The following ANAPC4 variants were observed in gnomAD, a reference collection of about 807,000 sequenced individuals.
ANAPC4 encodes anaphase promoting complex subunit 4.
A neutral mutation model predicts 119.8 loss-of-function variants in ANAPC4; 63 were observed. The ratio of observed to expected loss-of-function variants is 0.53; its 90% CI spans 0.43 to 0.65. The LOEUF (loss-of-function observed/expected upper bound fraction) is 0.65. Among genes scored for constraint, ANAPC4 ranks in the 30% least tolerant of loss-of-function variants. The pLI is 0.00. For missense variants in ANAPC4, 716 were observed against 945.1 expected, an observed-to-expected ratio of 0.76 and a Z score of 3.18; for synonymous variants, 283 against 318.6, an observed-to-expected ratio of 0.89 and a Z score of 1.19.
chr4:25,378,315 G>A (rs1721521112), intron 2 of ANAPC4, among the ~76,000 whole-genome samples: 1 of 152,172 alleles, frequency 6.6e-6, no homozygotes, highest in African/African-American at 2.4e-5. Flanking sequence ...CCATGTGAGA[G>A]TTGTATAGAG....
chr4:25,380,460 A>T lies in ANAPC4; in HGVS notation c.216A>T (p.Ala72=). The change falls in exon 3 of 29, where the codon GCA becomes GCT. Residue 72 remains alanine (A), a synonymous_variant. Transcript: ENST00000315368. ...ENTGKEVTCL[A]WRPDGKLLAF... ...CAGGAAAGGAGGTGACGTGTCTGGC[A>T]TGGAGACCAGATGGCAAACGTAATG... 6.2e-7 allele frequency: 1 copy of T among 1,610,766 alleles called. No homozygotes were observed. The highest frequency in any genetic ancestry group is 8.5e-7 in the Non-Finnish European group (1 of 1,178,462).
intron 7 of ANAPC4, 143 bp from the exon 8 acceptor site, chr4:25,389,993 T>C: frequency 1.9e-6 from 1 of 523,528 alleles, no homozygotes; most frequent in South Asian, 3.0e-5. Flanking sequence ...TGAGTGTTAG[T>C]GGATTTGATG....
rs574552618 is a variant in ANAPC4, at chr4:25,388,544, T to C, written c.413T>C (p.Leu138Pro). The C allele has an allele frequency of 1.6e-5, 26 of 1,606,002 alleles. No homozygotes were observed. The Admixed American group carries it at 4.3e-4, about 27-fold the overall frequency. ...FYNAEDESNLLLPKLPTLPKN... is the reference protein window; with the variant it reads ...FYNAEDESNLPLPKLPTLPKN... ...AATGCTGAGGATGAATCAAATCTTC[T>C]CTTACCTAAACTACCTACACTGCCA... Residue 138 changes from leucine (L) to proline (P), a missense_variant, in exon 5 of 29, where the codon CTC becomes CCC. By Grantham distance (98) the Leu-to-Pro change is moderately conservative. Around this residue, in one of 3 missense-constraint regions of ANAPC4, gnomAD observed 202 missense variants for 293.5 expected, o/e 0.69. Transcript: ENST00000315368.
chr4:25,411,936 G>A (rs1243125782), intron 21 of ANAPC4, among the ~76,000 whole-genome samples: 1 of 152,104 alleles, frequency 6.6e-6, no homozygotes, highest in Non-Finnish European at 1.5e-5. Flanking sequence ...GACCTCACAG[G>A]ATAAGGATGC....
rs760146374 is a variant in ANAPC4, at chr4:25,393,778, A to G, written c.790-27A>G. The G allele has an allele frequency of 3.4e-6, 5 of 1,471,554 alleles. No homozygotes were observed. The Admixed American group carries it at 7.8e-5, about 23-fold the overall frequency. 91.2% of individuals were successfully genotyped at this position (1,471,554 alleles called of 1,614,324 possible). On this transcript the variant is annotated intron_variant, in intron 10 of 28. Transcript: ENST00000315368. ...CAAGTTGGTTTAAATATTTTTTACC[A>G]TTTCAATTTTTCTTTTTTGCTAATA...
At chr4:25,377,603 G>T in intron 2 of ANAPC4, 47 bp downstream of exon 2, 2 of 1,529,346 alleles carry the variant, frequency 1.3e-6, no homozygotes, top group Non-Finnish European at 1.7e-6. Flanking sequence ...TGCTCCCGGG[G>T]GGCCCAAGAA....
rs909314389 is a variant in ANAPC4 at position 25,392,391 on chromosome 4, A to G, written c.759A>G (p.Arg253=). 5 of 1,612,534 alleles carry G rather than the reference A, an allele frequency of 3.1e-6. No homozygotes were observed. In the Admixed American group the frequency reaches 5.0e-5, roughly 16 times the overall value. ...TACCTGAAGTAACTCGGATGGCCAG[A>G]AAGTTTACTCATATTTCAGCTCTGT... ...SFLPEVTRMA[R]KFTHISALLQ... Residue 253 remains arginine, a synonymous_variant, in exon 10 of 29, where the codon AGA becomes AGG. Coordinates refer to ENST00000315368, the MANE Select transcript of ANAPC4 (RefSeq NM_013367.3).
chr4:25,386,454 C>T (rs1722042490), intron 4 of ANAPC4, among the ~76,000 whole-genome samples: 1 of 152,128 alleles, frequency 6.6e-6, no homozygotes, highest in Non-Finnish European at 1.5e-5. Context: ...AAGTGATTTG[C>T]CCTCCTCGGC....
intron 26 of ANAPC4, chr4:25,416,080 C>T (rs1040391219): frequency 3.4e-5 from 6 of 178,598 alleles, no homozygotes; most frequent in Non-Finnish European, 7.0e-5. Flanking sequence ...TTTTATTTCT[C>T]AGTCTAGTCA....
intron 7 of ANAPC4, among the ~76,000 whole-genome samples, chr4:25,389,155 G>C (rs922533578): frequency 7.5e-6 from 1 of 133,984 alleles, no homozygotes; most frequent in African/African-American, 2.7e-5. Context: ...ACCACACCCA[G>C]CTAATTTTTT....
intron 16 of ANAPC4, among the ~76,000 whole-genome samples, chr4:25,402,242 T>C (rs186404402): frequency 6.6e-6 from 1 of 152,346 alleles, no homozygotes; most frequent in Non-Finnish European, 1.5e-5. Context: ...TTCATTGGTA[T>C]TATGAAACTT....
intron 19 of ANAPC4, 53 bp from the exon 20 acceptor site, chr4:25,407,144 T>C (rs996729055): frequency 2.0e-5 from 30 of 1,468,398 alleles, no homozygotes; most frequent in South Asian, 3.6e-5. Context: ...AAATTTAAGA[T>C]ATTTTTCTTC....
intron 2 of ANAPC4, among the ~76,000 whole-genome samples, chr4:25,378,463 C>T (rs1338562535): frequency 6.6e-6 from 1 of 152,196 alleles, no homozygotes; most frequent in African/African-American, 2.4e-5. Context: ...TAGCTAGTCT[C>T]CCTCCGCTGC....
chr4:25,413,633 G>A lies in ANAPC4; in HGVS notation c.1526-12G>A. Reference sequence around the variant, plus strand: ...TTCTTTTATTTTTGTTTCTGTTTTTGTTTGAAACCAGAAAGTCCTTTGCTG... The same window carrying A: ...TTCTTTTATTTTTGTTTCTGTTTTTATTTGAAACCAGAAAGTCCTTTGCTG... On this transcript the variant is annotated splice_polypyrimidine_tract_variant and intron_variant, in intron 21 of 28. Transcript: ENST00000315368. The A allele has an allele frequency of 1.3e-6, 2 of 1,590,828 alleles. No individual in the cohort carries two copies. Among genetic ancestry groups the A allele is most frequent in the Non-Finnish European group, 1.7e-6 (2 of 1,167,958 alleles).
At chr4:25,394,405 T>C in intron 12 of ANAPC4, 31 bp downstream of exon 12, 1 of 1,539,366 alleles carries the variant, frequency 6.5e-7, no homozygotes, top group East Asian at 2.3e-5. Context: ...GCTCCTGTTT[T>C]TGCTTCTTTT....
At chr4:25,390,863 A>C in intron 8 of ANAPC4, 48 bp from the exon 9 acceptor site, 1 of 1,415,660 alleles carries the variant, frequency 7.1e-7, no homozygotes, top group East Asian at 2.3e-5. Context: ...AATCAGCTTC[A>C]ACCTAGCAGT....
intron 27 of ANAPC4, chr4:25,417,012 T>C (rs1009615097): frequency 6.5e-6 from 1 of 154,748 alleles, no homozygotes; most frequent in African/African-American, 2.4e-5. Context: ...TTTAATTGAC[T>C]GAGACTTAAG....
chr4:25,407,380 G>T, intron 20 of ANAPC4, 127 bp downstream of exon 20: 1 of 634,594 alleles, frequency 1.6e-6, no homozygotes. Context: ...ACAAAGAGCA[G>T]CAGTTTTTAA....
chr4:25,390,149 G>T lies in ANAPC4; in HGVS notation c.529G>T (p.Val177Phe). The change falls in exon 8 of 29, where the codon GTC (valine) becomes TTC (phenylalanine). Residue 177 changes from valine (V) to phenylalanine (F), a missense_variant. By Grantham distance (50) the Val-to-Phe change is conservative. This residue lies in a region of ANAPC4 where 202 missense variants were observed against 293.5 expected (regional missense o/e 0.69). Transcript: ENST00000315368. ...LLGDVRLNIL[V>F]LGGSSGFIEL... ...GTTTTTAATTAGGCTTAATATTCTC[G>T]TCCTTGGAGGAAGCTCTGGATTTAT... 6.2e-7 allele frequency: 1 copy of T among 1,612,308 alleles called. No individual in the cohort carries two copies. Among genetic ancestry groups the T allele is most frequent in the South Asian group, 1.1e-5 (1 of 90,906 alleles).
Sources: gnomAD v4.1 joint callset for allele counts (sites outside exome capture counted in the v4.1 genomes callset) on GRCh38, gnomAD v4.1.1 for gene constraint, gnomAD v4.1.1 regional missense constraint, MANE v1.5 for transcripts, NCBI Gene and HGNC (gene_info 2026-07-23, HGNC 2026-07-21) for gene names.